Variants in FHOD3 observed in about 807,000 individuals in gnomAD.
FHOD3 encodes formin homology 2 domain containing 3.
A neutral mutation model predicts 173.0 loss-of-function variants in FHOD3; 90 were observed. The observed-to-expected ratio is 0.52, with a 90% CI of 0.44 to 0.62. FHOD3 has a LOEUF of 0.62. Among genes scored for constraint, FHOD3 ranks in the 20% least tolerant of loss-of-function variants. FHOD3 has a pLI of 0.00. For missense variants in FHOD3, 1,945 were observed against 2,034.7 expected (o/e 0.96, Z 0.85); for synonymous variants, 828 against 823.0 (o/e 1.01, Z -0.10).
chr18:36,468,108 GA>G (rs2053056325), intron 3 of FHOD3, among the ~76,000 whole-genome samples: 1 of 151,918 alleles, frequency 6.6e-6, no homozygotes, highest in Non-Finnish European at 1.5e-5. Flanking sequence ...TCTGGGAGCC[GA>G]GAGGGGAAGA....
chr18:36,409,744 C>T (rs575746951), intron 3 of FHOD3, among the ~76,000 whole-genome samples: 1 of 152,206 alleles, frequency 6.6e-6, no homozygotes, highest in Non-Finnish European at 1.5e-5. Context: ...AGCTTTGGCC[C>T]CAGAGCTCTG....
chr18:36,757,533 C>G (rs2042682518), intron 25 of FHOD3, among the ~76,000 whole-genome samples: 1 of 152,226 alleles, frequency 6.6e-6, no homozygotes, highest in Non-Finnish European at 1.5e-5. Flanking sequence ...GACTTAGAAT[C>G]ACGGACCCCC....
intron 1 of FHOD3, among the ~76,000 whole-genome samples, chr18:36,319,029 T>C (rs1231148579): frequency 6.6e-6 from 1 of 152,226 alleles, no homozygotes; most frequent in Non-Finnish European, 1.5e-5. Flanking sequence ...TTACATTTAT[T>C]GATTTGTGTA....
At chr18:36,362,555 G>A (rs2046681478) in intron 2 of FHOD3, among the ~76,000 whole-genome samples, 1 of 152,188 alleles carries the variant, frequency 6.6e-6, no homozygotes, top group Admixed American at 6.5e-5. Context: ...GAGAAGGCTG[G>A]AATACTGGAG....
chr18:36,664,747 T>G (rs72897513), intron 14 of FHOD3, among the ~76,000 whole-genome samples: 5,649 of 144,020 alleles, frequency 0.039, 164 homozygotes, highest in Middle Eastern at 0.073. Flanking sequence ...TGTACAAAGA[T>G]CACAGAGCAA....
At chr18:36,478,332 A>G (rs1237626089) in intron 3 of FHOD3, among the ~76,000 whole-genome samples, 3 of 152,214 alleles carry the variant, frequency 2.0e-5, no homozygotes, top group Admixed American at 6.5e-5. Context: ...TGGGATATAC[A>G]TGCGATATTT....
chr18:36,527,585 G>A lies in FHOD3; in HGVS notation c.511+15042G>A, dbSNP rs562015974. On this transcript the variant is annotated intron_variant, in intron 5 of 28. Transcript: ENST00000590592. ...GGTGTGGTGGGCACATAGGGCCACT[G>A]TTATCTGACAGCTTCTGGGTCTGAG... Among the ~76,000 whole-genome samples the A allele has an allele frequency of 2.0e-4, 30 of 152,316 alleles. 1 individual carries two copies. In the East Asian group the frequency reaches 5.8e-3, roughly 29 times the overall value.
At position 36,740,852 on chromosome 18, in the gene FHOD3, AAGAG is replaced by A. The variant is rs1484375181; in HGVS notation, c.3759+17_3759+20del. 6.2e-7 allele frequency: 1 copy of A among 1,601,710 alleles called. No individual in the cohort carries two copies. Among genetic ancestry groups the A allele is most frequent in the East Asian group, 2.2e-5 (1 of 44,792 alleles). Reference sequence around the variant, plus strand: ...ACTACAGAAAAGGTAAGCTCTCTGTAAGAGAGGCCGCTGATCCCACATCCACAGT... The same window carrying A: ...ACTACAGAAAAGGTAAGCTCTCTGTAAGGCCGCTGATCCCACATCCACAGT... On this transcript the variant is annotated intron_variant, in intron 21 of 28. Coordinates refer to ENST00000590592, the MANE Select transcript of FHOD3 (RefSeq NM_001281740.3).
intron 3 of FHOD3, among the ~76,000 whole-genome samples, chr18:36,492,290 AGGTTCTGCCACTCCTTCCTCTG>A (rs1223930042): frequency 6.6e-6 from 1 of 152,116 alleles, no homozygotes; most frequent in Non-Finnish European, 1.5e-5. Context: ...CCAGGCTCAC[AGGTTCTGCCACTCCTTCCTCTG>A]GGAACCCTTA....
intron 19 of FHOD3, among the ~76,000 whole-genome samples, chr18:36,727,161 A>G (rs1190250798): frequency 1.3e-5 from 2 of 152,140 alleles, no homozygotes; most frequent in East Asian, 1.9e-4. Context: ...AGAGTGGACC[A>G]CAGTTGCTCT....
intron 7 of FHOD3, among the ~76,000 whole-genome samples, chr18:36,598,509 C>T (rs2148423588): frequency 6.6e-6 from 1 of 152,216 alleles, no homozygotes; most frequent in South Asian, 2.1e-4. Context: ...GGTTAAAGTC[C>T]AGCGTAAGGA....
chr18:36,567,510 A>T (rs535784444), intron 5 of FHOD3, among the ~76,000 whole-genome samples: 4 of 152,302 alleles, frequency 2.6e-5, no homozygotes, highest in South Asian at 2.1e-4. Flanking sequence ...TTTCCCGATG[A>T]ATTCAACTAT....
chr18:36,698,290 C>G (rs1464116681), intron 17 of FHOD3, among the ~76,000 whole-genome samples: 1 of 152,218 alleles, frequency 6.6e-6, no homozygotes, highest in African/African-American at 2.4e-5. Context: ...TCGAGTTTTT[C>G]TGCCTTGCCA....
intron 3 of FHOD3, among the ~76,000 whole-genome samples, chr18:36,449,417 G>A (rs759614576): frequency 6.6e-6 from 1 of 152,088 alleles, no homozygotes; most frequent in Non-Finnish European, 1.5e-5. Context: ...CTTGTCATCC[G>A]TATGTTATTC....
intron 28 of FHOD3, among the ~76,000 whole-genome samples, chr18:36,776,420 G>A (rs1010390678): frequency 2.0e-5 from 3 of 152,192 alleles, no homozygotes; most frequent in East Asian, 1.9e-4. Context: ...CTCTTGTCGC[G>A]TGTGACTTGA....
chr18:36,566,527 G>A (rs1012103040), intron 5 of FHOD3, among the ~76,000 whole-genome samples: 39 of 152,228 alleles, frequency 2.6e-4, no homozygotes, highest in African/African-American at 8.9e-4. Flanking sequence ...GGCTGGAGGT[G>A]TAGTGGGGAC....
At chr18:36,427,411 C>T (rs2050310032) in intron 3 of FHOD3, among the ~76,000 whole-genome samples, 2 of 152,118 alleles carry the variant, frequency 1.3e-5, no homozygotes, top group Admixed American at 1.3e-4. Flanking sequence ...TACAGGCGGC[C>T]CCTCTCCATC....
intron 3 of FHOD3, among the ~76,000 whole-genome samples, chr18:36,425,041 C>T (rs982721388): frequency 6.6e-6 from 1 of 152,078 alleles, no homozygotes; most frequent in African/African-American, 2.4e-5. Flanking sequence ...TAAAGTGCGT[C>T]CCCTAGGGAA....
intron 1 of FHOD3, among the ~76,000 whole-genome samples, chr18:36,322,058 T>A (rs2044425573): frequency 2.0e-5 from 3 of 152,140 alleles, no homozygotes; most frequent in Admixed American, 2.0e-4. Context: ...GGATGGAGTG[T>A]GAGCGTGACT....
Sources: allele counts gnomAD v4.1 joint callset (sites outside exome capture counted in the v4.1 genomes callset), GRCh38; gene constraint gnomAD v4.1.1; transcripts MANE v1.5; gene names NCBI Gene and HGNC (gene_info 2026-07-23, HGNC 2026-07-21).